The following PDE4D variants were observed in gnomAD, a reference collection of about 807,000 sequenced individuals.
PDE4D encodes 3',5'-cyclic-AMP phosphodiesterase 4D.
In PDE4D, 24 loss-of-function variants were observed where a neutral mutation model predicts 87.4. That is an observed-to-expected ratio of 0.27 (90% CI 0.20 to 0.39). The LOEUF is 0.39. PDE4D is among the 10% of genes least tolerant of loss of function. The probability of loss-of-function intolerance (pLI) is 1.00; values close to 1 mark genes in which losing one functional copy is unlikely to be tolerated. For synonymous variants in PDE4D, 384 were observed against 383.2 expected, an observed-to-expected ratio of 1.00 and a Z score of -0.02; for missense variants, 714 against 1,041.0, an observed-to-expected ratio of 0.69 and a Z score of 4.32.
At chr5:60,381,588 G>A (rs993298627) in intron 1 of PDE4D, among the ~76,000 whole-genome samples, 14 of 152,158 alleles carry the variant, frequency 9.2e-5, no homozygotes, top group African/African-American at 3.4e-4. Context: ...CCAAGGCCAG[G>A]TGATTCAGAA....
At chr5:59,424,631 TACTC>T (rs1231967145) in intron 1 of PDE4D, among the ~76,000 whole-genome samples, 2 of 152,078 alleles carry the variant, frequency 1.3e-5, no homozygotes, top group Non-Finnish European at 2.9e-5. Flanking sequence ...GATTTCAGAG[TACTC>T]ACTCACTATC....
At chr5:59,163,714 G>C (rs1404038653) in intron 5 of PDE4D, among the ~76,000 whole-genome samples, 1 of 152,194 alleles carries the variant, frequency 6.6e-6, no homozygotes, top group Non-Finnish European at 1.5e-5. Context: ...ACTCAGGACA[G>C]CTAAGATTCA....
chr5:59,400,058 G>A (rs1442790149), intron 1 of PDE4D, among the ~76,000 whole-genome samples: 2 of 116,068 alleles, frequency 1.7e-5, no homozygotes, highest in Non-Finnish European at 3.6e-5. Flanking sequence ...AGGTAGAATG[G>A]CAATCATTCA....
chr5:60,126,152 C>T (rs1779103539), intron 2 of PDE4D, among the ~76,000 whole-genome samples: 2 of 150,870 alleles, frequency 1.3e-5, no homozygotes, highest in South Asian at 2.1e-4. Context: ...ACATTTGACT[C>T]GAATAGTGAA....
At chr5:59,116,354 A>G (rs1773612192) in intron 5 of PDE4D, among the ~76,000 whole-genome samples, 1 of 152,146 alleles carries the variant, frequency 6.6e-6, no homozygotes. Flanking sequence ...GATACAAACG[A>G]ATTTTTTTTG....
intron 2 of PDE4D, among the ~76,000 whole-genome samples, chr5:60,063,719 G>C (rs1333032724): frequency 1.3e-5 from 2 of 152,076 alleles, no homozygotes; most frequent in African/African-American, 2.4e-5. Flanking sequence ...AAGTATAACT[G>C]ATTTTAATAG....
chr5:60,044,336 T>G (rs1023536966), intron 2 of PDE4D, among the ~76,000 whole-genome samples: 3 of 150,810 alleles, frequency 2.0e-5, no homozygotes, highest in African/African-American at 7.3e-5. Flanking sequence ...TCTTAACATC[T>G]TTGACACTTC....
At chr5:60,092,158 G>A (rs1775210833) in intron 2 of PDE4D, among the ~76,000 whole-genome samples, 1 of 148,056 alleles carries the variant, frequency 6.8e-6, no homozygotes, top group Non-Finnish European at 1.5e-5. Context: ...CAACAACATA[G>A]ATGGAACTAG....
chr5:59,232,862 C>A (rs988272327), intron 1 of PDE4D, among the ~76,000 whole-genome samples: 1 of 151,560 alleles, frequency 6.6e-6, no homozygotes, highest in African/African-American at 2.4e-5. Context: ...GAATACTATG[C>A]AGTCATAAAA....
chr5:59,611,340 C>T (rs1000762412), intron 1 of PDE4D, among the ~76,000 whole-genome samples: 1 of 152,082 alleles, frequency 6.6e-6, no homozygotes, highest in African/African-American at 2.4e-5. Context: ...TAATGACCTC[C>T]CAAAGCCCCA....
chr5:59,777,530 G>A (rs1301105936), intron 1 of PDE4D, among the ~76,000 whole-genome samples: 1 of 152,168 alleles, frequency 6.6e-6, no homozygotes, highest in Non-Finnish European at 1.5e-5. Flanking sequence ...CTAACATAAA[G>A]ATTCTGATTC....
intron 1 of PDE4D, among the ~76,000 whole-genome samples, chr5:59,661,827 G>A (rs868453717): frequency 1.3e-5 from 2 of 152,324 alleles, no homozygotes; most frequent in South Asian, 4.1e-4. Flanking sequence ...TGTAGGCCAG[G>A]ATAAAGCTGT....
chr5:60,429,218 C>T (rs143833396), intron 1 of PDE4D, among the ~76,000 whole-genome samples: 3,634 of 152,288 alleles, frequency 0.024, 63 homozygotes, highest in Non-Finnish European at 0.035. Flanking sequence ...AGAGCTCTTT[C>T]ACTTCACTGG....
intron 6 of PDE4D, chr5:58,999,553 GTATA>G (rs35776313): frequency 7.2e-5 from 77 of 1,063,846 alleles, no homozygotes; most frequent in Middle Eastern, 3.3e-4. Context: ...TTGATTATAT[GTATA>G]TATATATATA....
intron 1 of PDE4D, among the ~76,000 whole-genome samples, chr5:59,571,856 A>G (rs924038606): frequency 6.6e-6 from 1 of 152,206 alleles, no homozygotes; most frequent in African/African-American, 2.4e-5. Flanking sequence ...GGGATAATAT[A>G]TAATAGCCAT....
At chr5:59,074,816 C>T (rs995720527) in intron 5 of PDE4D, among the ~76,000 whole-genome samples, 8 of 152,088 alleles carry the variant, frequency 5.3e-5, no homozygotes, top group African/African-American at 1.7e-4. Context: ...GAAAACCAGT[C>T]CTGGAGAAAT....
intron 2 of PDE4D, among the ~76,000 whole-genome samples, chr5:60,013,917 C>G (rs907884269): frequency 6.6e-6 from 1 of 151,742 alleles, no homozygotes; most frequent in Admixed American, 6.6e-5. Context: ...CATGGTGAAA[C>G]CCCATCTCTG....
intron 5 of PDE4D, among the ~76,000 whole-genome samples, chr5:59,088,729 T>G (rs1281041753): frequency 6.6e-6 from 1 of 152,104 alleles, no homozygotes; most frequent in Non-Finnish European, 1.5e-5. Context: ...AAGTGGGAGC[T>G]AAATGATGAC....
intron 1 of PDE4D, among the ~76,000 whole-genome samples, chr5:59,594,781 C>T (rs549080607): frequency 1.4e-4 from 22 of 152,140 alleles, no homozygotes; most frequent in East Asian, 3.9e-4. Context: ...TGGAATTATC[C>T]GTATGATACA....
Sources: allele counts gnomAD v4.1 joint callset (sites outside exome capture counted in the v4.1 genomes callset), GRCh38; gene constraint gnomAD v4.1.1; transcripts MANE v1.5; gene names NCBI Gene and HGNC (gene_info 2026-07-23, HGNC 2026-07-21).